FOXP1: variants seen among roughly 807,000 people sequenced by gnomAD.
FOXP1 encodes forkhead box protein P1.
Under a neutral mutation model 98.2 loss-of-function variants are expected in FOXP1, and 15 were observed. The ratio of observed to expected loss-of-function variants is 0.15; its 90% CI spans 0.10 to 0.24. The LOEUF (loss-of-function observed/expected upper bound fraction) is 0.24. Ranked by LOEUF, FOXP1 falls within the 10% of genes least tolerant of loss-of-function variation. The pLI is 1.00. For synonymous variants in FOXP1, 371 were observed against 314.5 expected (o/e 1.18, Z -1.90); for missense variants, 633 against 848.5 (o/e 0.75, Z 3.15).
chr3:71,383,235 C>T (rs930906094), intron 3 of FOXP1, among the ~76,000 whole-genome samples: 1 of 152,192 alleles, frequency 6.6e-6, no homozygotes, highest in Non-Finnish European at 1.5e-5. Flanking sequence ...CAAACAGCAC[C>T]ACTTTACCCT....
chr3:71,385,522 TCCCCA>T (rs1197708935), intron 3 of FOXP1, among the ~76,000 whole-genome samples: 1 of 152,060 alleles, frequency 6.6e-6, no homozygotes, highest in Non-Finnish European at 1.5e-5. Flanking sequence ...ACTCTTCCTC[TCCCCA>T]CTTGCTGAGG....
At chr3:71,147,330 C>G (rs1371535048) in intron 6 of FOXP1, among the ~76,000 whole-genome samples, 1 of 152,172 alleles carries the variant, frequency 6.6e-6, no homozygotes, top group African/African-American at 2.4e-5. Context: ...AAGATGGGGT[C>G]TTGTCCACAC....
intron 2 of FOXP1, among the ~76,000 whole-genome samples, chr3:71,537,273 G>C (rs1387213382): frequency 3.9e-5 from 6 of 152,180 alleles, no homozygotes; most frequent in African/African-American, 1.2e-4. Context: ...CTGGATTTAG[G>C]GTCAAAAGGT....
At chr3:71,329,064 T>G (rs1347976085) in intron 4 of FOXP1, among the ~76,000 whole-genome samples, 1 of 149,848 alleles carries the variant, frequency 6.7e-6, no homozygotes, top group African/African-American at 2.5e-5. Flanking sequence ...CACCTGTGAC[T>G]GGCTTGGTTG....
At chr3:71,413,065 G>C (rs2108282781) in intron 3 of FOXP1, among the ~76,000 whole-genome samples, 1 of 151,948 alleles carries the variant, frequency 6.6e-6, no homozygotes, top group East Asian at 1.9e-4. Context: ...GGTGGAGGAG[G>C]CAACAAACAA....
At chr3:71,177,320 TAGGAGA>T in intron 6 of FOXP1, among the ~76,000 whole-genome samples, 1 of 152,010 alleles carries the variant, frequency 6.6e-6, no homozygotes, top group Non-Finnish European at 1.5e-5. Context: ...CATCTGAAAA[TAGGAGA>T]GGGTGGAAAT....
intron 2 of FOXP1, among the ~76,000 whole-genome samples, chr3:71,496,479 G>A (rs947337357): frequency 1.3e-5 from 2 of 152,098 alleles, no homozygotes; most frequent in African/African-American, 4.8e-5. Flanking sequence ...GTTTTCATTC[G>A]GACTGGAGTG....
At chr3:71,040,958 C>T (rs2106862187) in intron 11 of FOXP1, among the ~76,000 whole-genome samples, 1 of 152,222 alleles carries the variant, frequency 6.6e-6, no homozygotes, top group African/African-American at 2.4e-5. Context: ...CAAAATTGCC[C>T]ACAGCAGACA....
chr3:71,448,293 G>T (rs2086635615), intron 3 of FOXP1, among the ~76,000 whole-genome samples: 1 of 152,046 alleles, frequency 6.6e-6, no homozygotes, highest in African/African-American at 2.4e-5. Context: ...ACAAAATCCT[G>T]CTCCATTAAG....
chr3:71,132,266 G>A (rs1440373185), intron 6 of FOXP1, among the ~76,000 whole-genome samples: 1 of 152,156 alleles, frequency 6.6e-6, no homozygotes, highest in East Asian at 1.9e-4. Flanking sequence ...AAGCAGTCCA[G>A]TTCCCTAAAA....
chr3:71,487,829 T>A (rs940256176), intron 3 of FOXP1, among the ~76,000 whole-genome samples: 1 of 152,224 alleles, frequency 6.6e-6, no homozygotes, highest in African/African-American at 2.4e-5. Context: ...ATACATGCAA[T>A]ATAAATGCAG....
intron 2 of FOXP1, among the ~76,000 whole-genome samples, chr3:71,551,725 G>A (rs1483460232): frequency 1.3e-5 from 2 of 152,194 alleles, no homozygotes; most frequent in African/African-American, 4.8e-5. Flanking sequence ...ACATAGGTGG[G>A]AGTGGTTATA....
intron 3 of FOXP1, among the ~76,000 whole-genome samples, chr3:71,477,525 T>C (rs147398711): frequency 6.6e-6 from 1 of 152,236 alleles, no homozygotes; most frequent in Admixed American, 6.5e-5. Flanking sequence ...AATTTTTGAT[T>C]CAAATAATTA....
intron 20 of FOXP1, 72 bp from the exon 21 acceptor site, chr3:70,959,463 T>TG: frequency 6.3e-7 from 1 of 1,579,856 alleles, no homozygotes. Flanking sequence ...CTGAAAAGTT[T>TG]GGGGCAACAG....
intron 5 of FOXP1, among the ~76,000 whole-genome samples, chr3:71,202,570 A>T (rs1213257905): frequency 1.3e-5 from 2 of 152,224 alleles, no homozygotes. Context: ...GGTAAATGTT[A>T]TCCCCATTTC....
At chr3:71,366,931 G>A (rs1033257975) in intron 3 of FOXP1, among the ~76,000 whole-genome samples, 6 of 152,106 alleles carry the variant, frequency 3.9e-5, no homozygotes, top group East Asian at 1.9e-4. Flanking sequence ...GATTGCTTGC[G>A]GATTATGGCT....
At chr3:71,564,212 C>T (rs1008753055) in intron 2 of FOXP1, among the ~76,000 whole-genome samples, 1 of 152,194 alleles carries the variant, frequency 6.6e-6, no homozygotes, top group African/African-American at 2.4e-5. Context: ...GCTCATGCCA[C>T]ATATACAAGG....
intron 5 of FOXP1, among the ~76,000 whole-genome samples, chr3:71,236,480 G>A (rs1576520990): frequency 6.6e-6 from 1 of 152,226 alleles, no homozygotes; most frequent in Admixed American, 6.5e-5. Flanking sequence ...GAGATATCAT[G>A]TAGATTCTAG....
chr3:71,071,975 A>C (rs1051058761), intron 7 of FOXP1, among the ~76,000 whole-genome samples: 8 of 152,200 alleles, frequency 5.3e-5, no homozygotes, highest in Admixed American at 2.0e-4. Context: ...TTACATTAGC[A>C]AAGGACTAAT....
Sources: gnomAD v4.1 joint callset for allele counts (sites outside exome capture counted in the v4.1 genomes callset) on GRCh38, gnomAD v4.1.1 for gene constraint, MANE v1.5 for transcripts, NCBI Gene and HGNC (gene_info 2026-07-23, HGNC 2026-07-21) for gene names.